Variants in MYH14 observed in about 807,000 individuals in gnomAD.
The protein encoded by MYH14 is myosin heavy chain 14.
In MYH14, 123 loss-of-function variants were observed where a neutral mutation model predicts 255.5. The ratio of observed to expected loss-of-function variants is 0.48; its 90% CI spans 0.42 to 0.56. The LOEUF (loss-of-function observed/expected upper bound fraction) is 0.56. Among genes scored for constraint, MYH14 ranks in the 20% least tolerant of loss-of-function variants. The pLI is 0.00. For missense variants in MYH14, 2,423 were observed against 2,802.3 expected (o/e 0.86, Z 3.06); for synonymous variants, 1,095 against 1,161.2 (o/e 0.94, Z 1.16).
At position 50,230,497 on chromosome 19, in the gene MYH14, C is replaced by T. The variant is rs1600894465; in HGVS notation, c.875-28C>T. On this transcript the variant is annotated intron_variant, in intron 8 of 42. Transcript: ENST00000642316. This position sits in a 1 kb window ranked among gnomAD's most constrained non-coding sequence, Gnocchi z 4.7. ...GGCAGCGTCGGGGCCGTCCCTTCCC[C>T]TCTAGCACCTTGACTCGCTGTGTCC... 2.6e-6 allele frequency: 4 copies of T among 1,548,814 alleles called. No individual in the cohort carries two copies. The East Asian group carries it at 9.8e-5, about 38-fold the overall frequency.
chr19:50,281,649 A>G lies in MYH14; in HGVS notation c.4346A>G (p.Glu1449Gly). The G allele has an allele frequency of 6.2e-7, 1 of 1,607,034 alleles. No individual in the cohort carries two copies. The highest frequency in any genetic ancestry group is 8.5e-7 in the Non-Finnish European group (1 of 1,177,100). ...GAGGCAGGGGCACTGGAGGCAGGGGAGGAGGCACGGCGCCGGGCAGCCCGG... is the reference window on the plus strand; with the variant it reads ...GAGGCAGGGGCACTGGAGGCAGGGGGGGAGGCACGGCGCCGGGCAGCCCGG... ...EEEAGALEAG[E>G]EARRRAAREA... Residue 1449 changes from glutamate to glycine, a missense_variant, in exon 33 of 43, where the codon GAG becomes GGG. Coordinates refer to ENST00000642316, the MANE Select transcript of MYH14 (RefSeq NM_001145809.2).
chr19:50,255,905 G>T (rs1232084391), intron 17 of MYH14, among the ~76,000 whole-genome samples: 1 of 150,500 alleles, frequency 6.6e-6, no homozygotes, highest in Non-Finnish European at 1.5e-5. Context: ...GGTTGATGGC[G>T]CTTGAATGGG....
At position 50,276,080 on chromosome 19, in the gene MYH14, A is replaced by T; in HGVS notation, c.3557A>T (p.Glu1186Val). Residue 1186 changes from glutamate to valine, a missense_variant, in exon 28 of 43, where the codon GAG becomes GTG. Coordinates refer to ENST00000642316, the MANE Select transcript of MYH14 (RefSeq NM_001145809.2). The surrounding 1 kb of genome is among the most constrained non-coding windows in gnomAD (Gnocchi z 4.3). The stretch of plus-strand genomic sequence containing the variant: ...CTGGCCGAGGCCCAGGAGGACCTGG[A>T]GTCTGAGCGTGTGGCCAGGACCAAG... The part of the protein sequence containing the change: ...AALAEAQEDL[E>V]SERVARTKAE... 1 of 1,611,174 alleles carries T rather than the reference A, an allele frequency of 6.2e-7. No individual in the cohort carries two copies. Among genetic ancestry groups the T allele is most frequent in the South Asian group, 1.1e-5 (1 of 90,450 alleles).
chr19:50,267,062 G>A (rs1236661710), intron 23 of MYH14, 54 bp downstream of exon 23: 21 of 1,480,250 alleles, frequency 1.4e-5, no homozygotes, highest in Non-Finnish European at 1.7e-5. Context: ...GGGCTGTGTC[G>A]CATGGGTGGA....
chr19:50,297,491 C>CTTTTTTTTTTTTTTTT (rs869049808), intron 39 of MYH14, among the ~76,000 whole-genome samples: 1 of 74,322 alleles, frequency 1.3e-5, no homozygotes, highest in Non-Finnish European at 2.4e-5. Context: ...CTCATCTCCT[C>CTTTTTTTTTTTTTTTT]TTTTTTTTTT....
intron 33 of MYH14, among the ~76,000 whole-genome samples, chr19:50,282,437 C>G (rs1003254235): frequency 2.0e-5 from 3 of 152,218 alleles, no homozygotes; most frequent in African/African-American, 7.2e-5. Context: ...CACTGTGGCT[C>G]ATGCCTGTAA....
chr19:50,243,671 A>G (rs913331540), intron 10 of MYH14, among the ~76,000 whole-genome samples: 1 of 152,228 alleles, frequency 6.6e-6, no homozygotes, highest in Non-Finnish European at 1.5e-5. Context: ...AAGTCACAAG[A>G]ATCGACTATA....
At chr19:50,205,257 G>A (rs922476436) in intron 1 of MYH14, among the ~76,000 whole-genome samples, 2 of 152,208 alleles carry the variant, frequency 1.3e-5, no homozygotes, top group Non-Finnish European at 2.9e-5. Flanking sequence ...CCTTCTCCGC[G>A]GCGGGCCCTC....
At chr19:50,246,630 A>ACAAAG (rs1491336548) in intron 11 of MYH14, among the ~76,000 whole-genome samples, 1 of 51,026 alleles carries the variant, frequency 2.0e-5, no homozygotes, top group African/African-American at 5.2e-5. Context: ...CTCAAACAAA[A>ACAAAG]CAAAACAAAA....
Position 50,210,452 on chromosome 19 carries a change from C to T in MYH14, c.87C>T (p.Phe29=). Residue 29 remains phenylalanine (F), a synonymous_variant, in exon 2 of 43, where the codon TTC becomes TTT. Coordinates refer to ENST00000642316, the MANE Select transcript of MYH14 (RefSeq NM_001145809.2). ...CCGAGGCGGCCCAGCCGTTCCTGTTCACGCCCCGCGGGCCCAGCGCGGGTG... is the reference window on the plus strand; with the variant it reads ...CCGAGGCGGCCCAGCCGTTCCTGTTTACGCCCCGCGGGCCCAGCGCGGGTG... ...PVPEAAQPFL[F]TPRGPSAGGG... is the part of the protein sequence containing the mutation. 6.5e-7 allele frequency: 1 copy of T among 1,549,934 alleles called. No homozygotes were observed. Among genetic ancestry groups the T allele is most frequent in the Non-Finnish European group, 8.7e-7 (1 of 1,148,074 alleles).
rs2034421045 is a variant in MYH14, at chr19:50,252,026, C to T, written c.1831-613C>T. On this transcript the variant is annotated intron_variant, in intron 15 of 42. Transcript: ENST00000642316. The surrounding 1 kb of genome is among the most constrained non-coding windows in gnomAD (Gnocchi z 4.2). Reference sequence around the variant, plus strand: ...GGAAGGGCTCTCCAGGCAGAGGGAACAGCATAGACAATGGCTGGGAGGCAG... The same window carrying T: ...GGAAGGGCTCTCCAGGCAGAGGGAATAGCATAGACAATGGCTGGGAGGCAG... Among the ~76,000 whole-genome samples the T allele has an allele frequency of 6.6e-6, 1 of 152,168 alleles. No homozygotes were observed. Among genetic ancestry groups the T allele is most frequent in the Admixed American group, 6.5e-5 (1 of 15,280 alleles).
At chr19:50,240,333 C>A (rs2033840339) in intron 10 of MYH14, among the ~76,000 whole-genome samples, 2 of 152,170 alleles carry the variant, frequency 1.3e-5, no homozygotes, top group Admixed American at 1.3e-4. Flanking sequence ...AATCCCAGCA[C>A]TTTGGGAGGC....
intron 19 of MYH14, among the ~76,000 whole-genome samples, chr19:50,259,803 G>T (rs988081762): frequency 6.6e-6 from 1 of 152,176 alleles, no homozygotes; most frequent in East Asian, 1.9e-4. Context: ...ACTTGAACCG[G>T]GAAGGGGGAG....
chr19:50,299,840 G>A (rs1461858674), intron 39 of MYH14, among the ~76,000 whole-genome samples: 1 of 151,918 alleles, frequency 6.6e-6, no homozygotes, highest in African/African-American at 2.4e-5. Context: ...AGCTACTCAG[G>A]AGGCTGAGGC....
At position 50,230,834 on chromosome 19, in the gene MYH14, G is replaced by A. The variant is rs1410069258; in HGVS notation, c.973+211G>A. On this transcript the variant is annotated intron_variant, in intron 9 of 42. Transcript: ENST00000642316. This position sits in a 1 kb window ranked among gnomAD's most constrained non-coding sequence, Gnocchi z 4.7. The stretch of plus-strand genomic sequence containing the variant: ...TGCGCTCTGGTTCCAGCTCTGTCCC[G>A]GGTCTGGCTCGCGCCCGCTGTCACG... 16 of 556,342 alleles carry A rather than the reference G, an allele frequency of 2.9e-5. No homozygotes were observed. The highest frequency in any genetic ancestry group is 6.0e-5 in the East Asian group (2 of 33,608). 34.5% of individuals were successfully genotyped at this position (556,342 alleles called of 1,614,324 possible).
intron 23 of MYH14, among the ~76,000 whole-genome samples, 168 bp downstream of exon 23, chr19:50,267,176 T>C (rs979762756): frequency 2.0e-5 from 3 of 151,552 alleles, no homozygotes; most frequent in East Asian, 3.9e-4. Context: ...CGGGCGGGGA[T>C]TGGGGCTGTT....
chr19:50,232,192 C>G, intron 10 of MYH14, 122 bp downstream of exon 10: 2 of 1,249,456 alleles, frequency 1.6e-6, no homozygotes, highest in Admixed American at 4.2e-5. Context: ...GTGCAGGCAC[C>G]GGGGCCAGAG....
rs2033418564 is a variant in MYH14, at chr19:50,231,998, C to A, written c.1042C>A (p.Gln348Lys). The change falls in exon 10 of 43, where the codon CAG becomes AAG. Residue 348 changes from glutamine (Q) to lysine (K), a missense_variant. Gln to Lys is a moderately conservative substitution (Grantham distance 53). Coordinates refer to ENST00000642316, the MANE Select transcript of MYH14 (RefSeq NM_001145809.2). The part of the protein sequence containing the change: ...LTNGPSSSPG[Q>K]ERELFQETLE... ...CAACGGGCCGTCATCCTCTCCCGGC[C>A]AGGAGCGGGAACTCTTCCAGGAGAC... 6.2e-7 allele frequency: 1 copy of A among 1,613,766 alleles called. No homozygotes were observed. The highest frequency in any genetic ancestry group is 1.3e-5 in the African/African-American group (1 of 74,950).
chr19:50,299,825 A>G (rs917584793), intron 39 of MYH14, among the ~76,000 whole-genome samples: 16 of 150,238 alleles, frequency 1.1e-4, no homozygotes, highest in African/African-American at 3.7e-4. Context: ...CGTGCCTGTA[A>G]TCCCAGCTAC....
Sources: gnomAD v4.1 joint callset for allele counts (sites outside exome capture counted in the v4.1 genomes callset) on GRCh38, gnomAD v4.1.1 for gene constraint, Gnocchi (gnomAD v3.1) non-coding constraint, MANE v1.5 for transcripts, NCBI Gene and HGNC (gene_info 2026-07-23, HGNC 2026-07-21) for gene names.